RNLS: variants seen among roughly 807,000 people sequenced by gnomAD.
RNLS encodes the protein renalase.
In RNLS, 39 loss-of-function variants were observed where a neutral mutation model predicts 39.8. The observed-to-expected ratio is 0.98, with a 90% CI of 0.76 to 1.28. The LOEUF is 1.28. RNLS is among the 50% of genes most tolerant of loss of function. RNLS has a pLI of 0.00. For synonymous variants in RNLS, 147 were observed against 150.7 expected (o/e 0.98, Z 0.18); for missense variants, 410 against 413.3 (o/e 0.99, Z 0.07).
At chr10:88,229,830 C>A in the RNLS span, among the ~76,000 whole-genome samples, 1 of 152,070 alleles carries the variant, frequency 6.6e-6, no homozygotes, top group South Asian at 2.1e-4. Context: ...CATTGTTGTA[C>A]TGTGAATCAG....
intron 4 of RNLS, among the ~76,000 whole-genome samples, chr10:88,409,629 A>G (rs573508770): frequency 1.3e-5 from 2 of 152,260 alleles, no homozygotes; most frequent in Middle Eastern, 6.8e-3. Context: ...GTGGAGCCAA[A>G]TAACTCACTT....
the RNLS span, among the ~76,000 whole-genome samples, chr10:88,214,067 A>G: frequency 1.3e-5 from 2 of 152,194 alleles, no homozygotes; most frequent in African/African-American, 4.8e-5. Flanking sequence ...GTCTTCTGCT[A>G]TCATTGGCTT....
intron 4 of RNLS, among the ~76,000 whole-genome samples, chr10:88,457,638 A>G (rs1842704877): frequency 6.6e-6 from 1 of 152,186 alleles, no homozygotes; most frequent in Admixed American, 6.5e-5. Context: ...TCTGTTGTTG[A>G]TATTTTATAA....
intron 4 of RNLS, among the ~76,000 whole-genome samples, chr10:88,486,530 C>A (rs1001704631): frequency 6.6e-5 from 10 of 150,920 alleles, no homozygotes; most frequent in African/African-American, 1.9e-4. Context: ...GAAAAAAAAA[C>A]CATTAAAAAG....
intron 4 of RNLS, among the ~76,000 whole-genome samples, chr10:88,419,395 C>CT (rs1286794138): frequency 9.2e-5 from 14 of 152,186 alleles, no homozygotes; most frequent in African/African-American, 2.4e-4. Context: ...TATCAGGGGC[C>CT]ACTCTCCCAG....
chr10:88,354,521 C>T (rs933948231), intron 5 of RNLS, among the ~76,000 whole-genome samples: 15 of 152,178 alleles, frequency 9.9e-5, no homozygotes, highest in African/African-American at 3.4e-4. Flanking sequence ...AAATTCTTTC[C>T]TTTAAGAATG....
intron 5 of RNLS, 114 bp downstream of exon 5, chr10:88,362,438 C>T (rs1232196153): frequency 1.1e-6 from 1 of 921,230 alleles, no homozygotes; most frequent in African/African-American, 1.7e-5. Flanking sequence ...TCCCCTGTGG[C>T]TTGGAGTTAA....
chr10:88,364,062 T>G (rs145391166), intron 4 of RNLS, among the ~76,000 whole-genome samples: 3 of 152,288 alleles, frequency 2.0e-5, no homozygotes, highest in Non-Finnish European at 4.4e-5. Context: ...TTCTACTTTT[T>G]ACTTTCTATC....
intron 4 of RNLS, among the ~76,000 whole-genome samples, chr10:88,479,239 T>G (rs1249246188): frequency 1.3e-5 from 2 of 152,204 alleles, no homozygotes; most frequent in African/African-American, 4.8e-5. Flanking sequence ...GTCAATGGCT[T>G]TGCTTTGAGG....
intron 6 of RNLS, among the ~76,000 whole-genome samples, chr10:88,297,517 C>T (rs552461592): frequency 4.6e-5 from 7 of 152,116 alleles, no homozygotes; most frequent in African/African-American, 1.2e-4. Context: ...AATTAGTGAC[C>T]GGTAAACACT....
intron 4 of RNLS, among the ~76,000 whole-genome samples, chr10:88,392,490 C>T (rs553886630): frequency 6.6e-4 from 101 of 152,266 alleles, no homozygotes; most frequent in African/African-American, 2.3e-3. Flanking sequence ...ACACAGAGCC[C>T]TTAGGCAAAG....
intron 5 of RNLS, among the ~76,000 whole-genome samples, chr10:88,326,388 G>A (rs556601020): frequency 5.3e-5 from 8 of 152,190 alleles, no homozygotes; most frequent in Non-Finnish European, 8.8e-5. Context: ...GAACTAGAGC[G>A]AAGGTCACTC....
intron 5 of RNLS, chr10:88,343,599 AT>A (rs1564711925): frequency 3.0e-6 from 3 of 985,106 alleles, no homozygotes. Context: ...GGCTGGGATA[AT>A]TTTCCTCTAT....
intron 4 of RNLS, among the ~76,000 whole-genome samples, chr10:88,559,060 A>C (rs1564899216): frequency 6.6e-6 from 1 of 152,190 alleles, no homozygotes; most frequent in Admixed American, 6.6e-5. Context: ...CAAGGAAAAA[A>C]TCAAGAATTA....
intron 4 of RNLS, among the ~76,000 whole-genome samples, chr10:88,380,057 A>ATTGT (rs1851328325): frequency 6.6e-6 from 1 of 152,148 alleles, no homozygotes; most frequent in Non-Finnish European, 1.5e-5. Context: ...TAATATAATG[A>ATTGT]TTGTTTTATG....
intron 4 of RNLS, among the ~76,000 whole-genome samples, chr10:88,475,727 T>C (rs1451111466): frequency 6.6e-6 from 1 of 152,134 alleles, no homozygotes; most frequent in Non-Finnish European, 1.5e-5. Flanking sequence ...GGGGTGGGAC[T>C]TTGTGTCTTC....
At chr10:88,467,309 G>T (rs1470663591) in intron 4 of RNLS, among the ~76,000 whole-genome samples, 1 of 151,332 alleles carries the variant, frequency 6.6e-6, no homozygotes, top group African/African-American at 2.4e-5. Flanking sequence ...ATAAATAAAA[G>T]AAAGAAAAAA....
intron 4 of RNLS, among the ~76,000 whole-genome samples, chr10:88,553,268 C>T (rs1848686445): frequency 6.6e-6 from 1 of 152,108 alleles, no homozygotes; most frequent in South Asian, 2.1e-4. Context: ...AAAATATAAT[C>T]CTGGGATGCA....
chr10:88,203,381 TATATAC>T, the RNLS span, among the ~76,000 whole-genome samples: 136 of 11,808 alleles, frequency 0.012, 32 homozygotes, highest in African/African-American at 0.057. Context: ...TATATATATA[TATATAC>T]ACGTATGTGT....
Sources: allele counts gnomAD v4.1 joint callset (sites outside exome capture counted in the v4.1 genomes callset), GRCh38; gene constraint gnomAD v4.1.1; transcripts MANE v1.5; gene names NCBI Gene and HGNC (gene_info 2026-07-23, HGNC 2026-07-21).